Variants in SIL1 observed in about 807,000 individuals in gnomAD.
The protein encoded by SIL1 is SIL1 nucleotide exchange factor.
Under a neutral mutation model 49.1 loss-of-function variants are expected in SIL1, and 40 were observed. The observed-to-expected ratio is 0.81, with a 90% CI of 0.63 to 1.06. SIL1 has a LOEUF of 1.06. Ranked by LOEUF, SIL1 falls within the 50% of genes least tolerant of loss-of-function variation. SIL1 has a pLI of 0.00. For synonymous variants in SIL1, 253 were observed against 250.8 expected, an observed-to-expected ratio of 1.01 and a Z score of -0.08; for missense variants, 500 against 572.6, an observed-to-expected ratio of 0.87 and a Z score of 1.29.
Position 138,947,012 on chromosome 5 carries a change from G to A in SIL1, c.*105C>T, listed in dbSNP as rs981026347. The A allele has an allele frequency of 2.1e-5, 18 of 866,552 alleles. No individual in the cohort carries two copies. The highest frequency in any genetic ancestry group is 3.4e-5 in the Non-Finnish European group (18 of 522,712). The allele number at this position is 866,552 out of a possible 1,614,324, so 53.7% of individuals were successfully genotyped here. On this transcript the variant is annotated 3_prime_UTR_variant, in exon 10 of 10. Transcript: ENST00000394817. The surrounding 1 kb of genome is among the most constrained non-coding windows in gnomAD (Gnocchi z 4.1). Reference sequence around the variant, plus strand: ...GATGGCCTTCAGGTTTCCATTTAATGGCCAAGCCAGCACTGCCAAGATGTC... The same window carrying A: ...GATGGCCTTCAGGTTTCCATTTAATAGCCAAGCCAGCACTGCCAAGATGTC...
At chr5:138,991,130 G>T (rs1767750695) in intron 7 of SIL1, among the ~76,000 whole-genome samples, 1 of 152,238 alleles carries the variant, frequency 6.6e-6, no homozygotes, top group African/African-American at 2.4e-5. Flanking sequence ...TTGCCAGTCA[G>T]AAAGAGTAGG....
chr5:139,093,548 C>G (rs1383065403), intron 3 of SIL1, among the ~76,000 whole-genome samples: 1 of 152,170 alleles, frequency 6.6e-6, no homozygotes, highest in African/African-American at 2.4e-5. Context: ...ATTGGTTCTT[C>G]TCCGTGATGG....
At chr5:138,971,773 AAAAGCTGCCAC>A (rs1767284199) in intron 7 of SIL1, among the ~76,000 whole-genome samples, 1 of 152,170 alleles carries the variant, frequency 6.6e-6, no homozygotes, top group Non-Finnish European at 1.5e-5. Context: ...CCAGCACCAC[AAAAGCTGCCAC>A]TTTGCTCAAT....
At chr5:139,069,270 A>T (rs1769775539) in intron 3 of SIL1, among the ~76,000 whole-genome samples, 1 of 152,188 alleles carries the variant, frequency 6.6e-6, no homozygotes, top group South Asian at 2.1e-4. Context: ...CCTGGGTAAC[A>T]GAGCGAGATT....
At chr5:139,183,730 A>G (rs1752032149) in intron 1 of SIL1, among the ~76,000 whole-genome samples, 1 of 152,208 alleles carries the variant, frequency 6.6e-6, no homozygotes, top group Non-Finnish European at 1.5e-5. Context: ...CCACCCGGCA[A>G]AGGCAGGCTG....
intron 1 of SIL1, among the ~76,000 whole-genome samples, chr5:139,169,568 G>A (rs1220034883): frequency 3.4e-5 from 5 of 149,204 alleles, no homozygotes; most frequent in African/African-American, 7.4e-5. Context: ...TGCAACCTCC[G>A]CCTCCTGGGT....
intron 1 of SIL1, among the ~76,000 whole-genome samples, chr5:139,150,916 C>T (rs2151805635): frequency 6.6e-6 from 1 of 152,282 alleles, no homozygotes; most frequent in South Asian, 2.1e-4. Flanking sequence ...CGGAGACATA[C>T]CTACACAGCC....
intron 8 of SIL1, among the ~76,000 whole-genome samples, chr5:138,951,578 A>G (rs1488915365): frequency 1.3e-5 from 2 of 152,234 alleles, no homozygotes; most frequent in Non-Finnish European, 2.9e-5. Flanking sequence ...AGTAGGGCCC[A>G]AGGCCACAGC....
chr5:139,092,644 C>G (rs537161640), intron 3 of SIL1, among the ~76,000 whole-genome samples: 1 of 152,148 alleles, frequency 6.6e-6, no homozygotes, highest in South Asian at 2.1e-4. Flanking sequence ...AAAGCAGAAC[C>G]GCTACATCTT....
chr5:139,099,598 A>T (rs897594676), intron 3 of SIL1, among the ~76,000 whole-genome samples: 1 of 150,840 alleles, frequency 6.6e-6, no homozygotes, highest in Non-Finnish European at 1.5e-5. Context: ...TTCAGTCATT[A>T]AAAAAAAAGA....
At chr5:139,113,139 ACC>A (rs1043097951) in intron 3 of SIL1, among the ~76,000 whole-genome samples, 2 of 151,866 alleles carry the variant, frequency 1.3e-5, no homozygotes, top group Non-Finnish European at 2.9e-5. Context: ...AATCTCAAGT[ACC>A]CAGGGACACA....
rs777475338 is a variant in SIL1 at position 138,963,111 on chromosome 5, C to T, written c.768-11227G>A. On this transcript the variant is annotated intron_variant, in intron 7 of 9. Coordinates refer to ENST00000394817, the MANE Select transcript of SIL1 (RefSeq NM_022464.5). ...GATGTTATTTTAGGTCTTCTATACTCAGTTGGTGGTATAACTATCCCCATG... is the reference window on the plus strand; with the variant it reads ...GATGTTATTTTAGGTCTTCTATACTTAGTTGGTGGTATAACTATCCCCATG... 2.0e-5 allele frequency among the ~76,000 whole-genome samples: 3 copies of T among 152,178 alleles called. No homozygotes were observed. In the South Asian group the frequency reaches 6.2e-4, roughly 31 times the overall value.
chr5:139,176,769 C>T (rs1367040014), intron 1 of SIL1, among the ~76,000 whole-genome samples: 1 of 151,974 alleles, frequency 6.6e-6, no homozygotes, highest in African/African-American at 2.4e-5. Flanking sequence ...AGAGGAACCA[C>T]CTCGAGGGTT....
In SIL1 at chr5:139,040,484, C is replaced by CTTTTTTTTTTTTTTTTTTTTTTTTT; in HGVS notation, c.453+2135_453+2136insAAAAAAAAAAAAAAAAAAAAAAAAA. On this transcript the variant is annotated intron_variant, in intron 5 of 9. Transcript: ENST00000394817. ...TTGCAAGGGGAGAGGAGTATTTTTT[C>CTTTTTTTTTTTTTTTTTTTTTTTTT]TTTTTTCTTTTTTCTTTTTTTTTTT... is the stretch of plus-strand genomic sequence containing the variant. Among the ~76,000 whole-genome samples the CTTTTTTTTTTTTTTTTTTTTTTTTT allele has an allele frequency of 4.5e-5, 4 of 89,410 alleles. 2 individuals are homozygous for CTTTTTTTTTTTTTTTTTTTTTTTTT. The highest frequency in any genetic ancestry group is 7.6e-4 in the South Asian group (2 of 2,636). 58.7% of individuals were successfully genotyped at this position (89,410 alleles called of 152,430 possible). A position where few individuals can be genotyped will look rare whatever the true frequency, so the allele number is the denominator to read the frequency against.
chr5:138,993,589 A>G (rs1767802155), intron 7 of SIL1, among the ~76,000 whole-genome samples: 1 of 152,212 alleles, frequency 6.6e-6, no homozygotes, highest in Non-Finnish European at 1.5e-5. Flanking sequence ...GTAAGACGGT[A>G]ACATCTGTTT....
intron 3 of SIL1, among the ~76,000 whole-genome samples, chr5:139,087,824 C>G (rs1421354820): frequency 6.6e-6 from 1 of 152,120 alleles, no homozygotes; most frequent in African/African-American, 2.4e-5. Flanking sequence ...CTCCCTTACA[C>G]CAAGTTCTCA....
chr5:139,107,295 T>C (rs1449783267), intron 3 of SIL1, among the ~76,000 whole-genome samples: 2 of 152,204 alleles, frequency 1.3e-5, no homozygotes, highest in African/African-American at 4.8e-5. Flanking sequence ...GGCACAGCTA[T>C]ACCCTGGTGA....
chr5:139,181,892 G>T (rs935918988), intron 1 of SIL1, among the ~76,000 whole-genome samples: 1 of 152,184 alleles, frequency 6.6e-6, no homozygotes, highest in Middle Eastern at 3.2e-3. Context: ...CCCATAGCAA[G>T]GCTTCACTAA....
chr5:139,134,384 T>C (rs946435210), intron 1 of SIL1, among the ~76,000 whole-genome samples: 3 of 152,154 alleles, frequency 2.0e-5, no homozygotes, highest in African/African-American at 7.2e-5. Context: ...GATCCACCCA[T>C]GTCAGCCTCC....
Sources: allele counts gnomAD v4.1 joint callset (sites outside exome capture counted in the v4.1 genomes callset), GRCh38; gene constraint gnomAD v4.1.1; non-coding constraint Gnocchi (gnomAD v3.1); transcripts MANE v1.5; gene names NCBI Gene and HGNC (gene_info 2026-07-23, HGNC 2026-07-21).